Variants in NFIB observed in about 807,000 individuals in gnomAD.
NFIB encodes the protein nuclear factor I B.
Under a neutral mutation model 61.5 loss-of-function variants are expected in NFIB, and 11 were observed. The ratio of observed to expected loss-of-function variants is 0.18; its 90% CI spans 0.11 to 0.30. NFIB has a LOEUF of 0.30. NFIB is among the 10% of genes least tolerant of loss of function. The pLI is 1.00. For synonymous variants in NFIB, 260 were observed against 216.5 expected (o/e 1.20, Z -1.76); for missense variants, 471 against 608.9 (o/e 0.77, Z 2.38).
At chr9:14,213,042 A>G (rs763532119) in intron 2 of NFIB, among the ~76,000 whole-genome samples, 70 of 152,338 alleles carry the variant, frequency 4.6e-4, no homozygotes, top group Admixed American at 1.1e-3. Flanking sequence ...AAAATTATAC[A>G]TCAATCATGT....
intron 2 of NFIB, among the ~76,000 whole-genome samples, chr9:14,304,081 G>A (rs1040710884): frequency 6.6e-6 from 1 of 152,202 alleles, no homozygotes; most frequent in Non-Finnish European, 1.5e-5. Flanking sequence ...GCCACGTGAT[G>A]CAAAAGTCTA....
At chr9:14,345,480 C>A (rs1453102355) in intron 1 of NFIB, among the ~76,000 whole-genome samples, 1 of 152,090 alleles carries the variant, frequency 6.6e-6, no homozygotes, top group African/African-American at 2.4e-5. Flanking sequence ...TAAATAAATG[C>A]AATCAAAGGG....
intron 1 of NFIB, among the ~76,000 whole-genome samples, chr9:14,377,792 T>G (rs2061437219): frequency 6.6e-6 from 1 of 152,236 alleles, no homozygotes; most frequent in Admixed American, 6.5e-5. Context: ...CCTTTGAAAC[T>G]TCTCTCTTCT....
chr9:14,276,445 C>T (rs2058007220), intron 2 of NFIB, among the ~76,000 whole-genome samples: 1 of 152,032 alleles, frequency 6.6e-6, no homozygotes, highest in Non-Finnish European at 1.5e-5. Context: ...ACCTTCAGAG[C>T]AATATGGTTT....
chr9:14,406,234 G>T, the NFIB span, among the ~76,000 whole-genome samples: 1 of 152,172 alleles, frequency 6.6e-6, no homozygotes, highest in African/African-American at 2.4e-5. Flanking sequence ...CCAGAGCAGG[G>T]TTTTCATAAC....
intron 1 of NFIB, among the ~76,000 whole-genome samples, chr9:14,322,599 G>A (rs898591897): frequency 2.0e-5 from 3 of 151,374 alleles, no homozygotes; most frequent in Admixed American, 6.6e-5. Context: ...ACCCTACCAC[G>A]GCCGGCCTGG....
chr9:14,460,132 C>T, the NFIB span, among the ~76,000 whole-genome samples: 32 of 152,116 alleles, frequency 2.1e-4, no homozygotes, highest in Middle Eastern at 3.4e-3. Context: ...TGTCCAGCAA[C>T]GATAGACTGG....
chr9:14,101,775 A>T (rs1685196337), intron 10 of NFIB, among the ~76,000 whole-genome samples: 1 of 152,224 alleles, frequency 6.6e-6, no homozygotes. Flanking sequence ...TTTGAAAATG[A>T]AGTTTTAGAA....
At chr9:14,245,911 A>C (rs373881693) in intron 2 of NFIB, among the ~76,000 whole-genome samples, 1 of 152,082 alleles carries the variant, frequency 6.6e-6, no homozygotes, top group Non-Finnish European at 1.5e-5. Context: ...TAAATTATAA[A>C]AGTGGGACAG....
the NFIB span, among the ~76,000 whole-genome samples, chr9:14,492,772 G>C: frequency 2.1e-4 from 32 of 152,254 alleles, no homozygotes; most frequent in Non-Finnish European, 3.1e-4. Context: ...GAAGAACACA[G>C]ACCCAAACCA....
chr9:14,102,066 T>G (rs1170278332), intron 10 of NFIB, among the ~76,000 whole-genome samples: 1 of 152,160 alleles, frequency 6.6e-6, no homozygotes, highest in Non-Finnish European at 1.5e-5. Context: ...TGAAAACCAA[T>G]GCTTTATCCT....
chr9:14,433,282 G>A, the NFIB span, among the ~76,000 whole-genome samples: 1 of 151,998 alleles, frequency 6.6e-6, no homozygotes, highest in African/African-American at 2.4e-5. Context: ...AAATTTTTTT[G>A]CCATATATGG....
the NFIB span, among the ~76,000 whole-genome samples, chr9:14,440,345 A>G: frequency 0.029 from 4,383 of 152,292 alleles, 101 homozygotes; most frequent in Non-Finnish European, 0.046. Context: ...CTAATTTTAG[A>G]GCTGCAGAAG....
the NFIB span, among the ~76,000 whole-genome samples, chr9:14,441,008 T>C: frequency 2.6e-5 from 4 of 152,012 alleles, no homozygotes; most frequent in African/African-American, 4.8e-5. Flanking sequence ...AAGATAGATA[T>C]TAGGTTTATA....
chr9:14,286,438 T>C (rs893045120), intron 2 of NFIB, among the ~76,000 whole-genome samples: 6 of 152,212 alleles, frequency 3.9e-5, no homozygotes, highest in Admixed American at 1.3e-4. Flanking sequence ...ATAACTACCA[T>C]GTACACACTA....
intron 1 of NFIB, among the ~76,000 whole-genome samples, chr9:14,365,008 G>A (rs190795751): frequency 2.5e-4 from 38 of 152,260 alleles, no homozygotes; most frequent in Admixed American, 9.8e-4. Flanking sequence ...TCTGAGGCAC[G>A]TTAATTTCTC....
chr9:14,359,736 T>C (rs1450799045), intron 1 of NFIB, among the ~76,000 whole-genome samples: 1 of 152,200 alleles, frequency 6.6e-6, no homozygotes, highest in African/African-American at 2.4e-5. Flanking sequence ...TCAGCTTCTA[T>C]GGTAAAACAA....
chr9:14,192,257 G>C (rs2131563030), intron 2 of NFIB, among the ~76,000 whole-genome samples: 1 of 152,264 alleles, frequency 6.6e-6, no homozygotes, highest in East Asian at 1.9e-4. Flanking sequence ...CTAACAGCAA[G>C]GCCATGACAG....
At chr9:14,424,116 C>G in the NFIB span, among the ~76,000 whole-genome samples, 1 of 152,250 alleles carries the variant, frequency 6.6e-6, no homozygotes, top group East Asian at 1.9e-4. Context: ...ACTCTATGCT[C>G]ATAACACCGA....
Sources: allele counts gnomAD v4.1 joint callset (sites outside exome capture counted in the v4.1 genomes callset), GRCh38; gene constraint gnomAD v4.1.1; transcripts MANE v1.5; gene names NCBI Gene and HGNC (gene_info 2026-07-23, HGNC 2026-07-21).